ARID1A: variants seen among roughly 807,000 people sequenced by gnomAD.
The protein encoded by ARID1A is AT-rich interactive domain-containing protein 1A.
A neutral mutation model predicts 212.6 loss-of-function variants in ARID1A; 20 were observed. That is an observed-to-expected ratio of 0.09 (90% CI 0.07 to 0.14). The LOEUF is 0.14. ARID1A is among the 10% of genes least tolerant of loss of function. ARID1A has a pLI of 1.00. For missense variants in ARID1A, 2,587 were observed against 3,059.0 expected (o/e 0.85, Z 3.64); for synonymous variants, 1,376 against 1,222.1 (o/e 1.13, Z -2.63).
intron 1 of ARID1A, among the ~76,000 whole-genome samples, chr1:26,703,622 T>TA (rs2080359748): frequency 6.6e-6 from 1 of 152,248 alleles, no homozygotes; most frequent in South Asian, 2.1e-4. Flanking sequence ...AAACTTGGAT[T>TA]GGCACTGACA....
At position 26,773,651 on chromosome 1, in the gene ARID1A, A is replaced by G. The variant is rs143530554; in HGVS notation, c.3938A>G (p.Asn1313Ser). The change falls in exon 16 of 20, where the codon AAC becomes AGC. Residue 1313 changes from asparagine to serine, a missense_variant. By Grantham distance (46) the Asn-to-Ser change is conservative. This residue lies in a region of ARID1A where 890 missense variants were observed against 1,098.2 expected (regional missense o/e 0.81). Transcript: ENST00000324856. Reference protein sequence around the residue: ...GAPQPNLMPSNPDSGMYSPSR... With the variant: ...GAPQPNLMPSSPDSGMYSPSR... The stretch of plus-strand genomic sequence containing the variant: ...CCACAGCCGAATCTCATGCCTTCCA[A>G]CCCAGACTCGGGGATGTATTCTCCT... 68 of 1,613,914 alleles carry G rather than the reference A, an allele frequency of 4.2e-5. No individual in the cohort carries two copies. The highest frequency in any genetic ancestry group is 1.3e-5 in the Non-Finnish European group (15 of 1,180,026).
chr1:26,717,558 A>T (rs1270305571), intron 1 of ARID1A, among the ~76,000 whole-genome samples: 3 of 152,206 alleles, frequency 2.0e-5, no homozygotes, highest in Non-Finnish European at 4.4e-5. Flanking sequence ...TATGGGACAG[A>T]CATTAATTGT....
Position 26,696,038 on chromosome 1 carries a change from C to A in ARID1A, c.-366C>A. On this transcript the variant is annotated 5_prime_UTR_variant, in exon 1 of 20. Transcript: ENST00000324856. ...TCCTCCTTTCTCCGGCAGCAGAAAG[C>A]GGAGAGTCACAGCGGGGCCAGGCCC... 1 of 760,426 alleles carries A rather than the reference C, an allele frequency of 1.3e-6. No individual in the cohort carries two copies. Among genetic ancestry groups the A allele is most frequent in the Non-Finnish European group, 1.6e-6 (1 of 620,364 alleles). 47.1% of individuals were successfully genotyped at this position (760,426 alleles called of 1,614,324 possible).
At position 26,731,172 on chromosome 1, in the gene ARID1A, A is replaced by G. The variant is rs2080672563; in HGVS notation, c.1371A>G (p.Gln457=). The G allele has an allele frequency of 6.2e-7, 1 of 1,613,884 alleles. No individual in the cohort carries two copies. The highest frequency in any genetic ancestry group is 8.5e-7 in the Non-Finnish European group (1 of 1,179,870). ...YTQQIPPYGQ[Q]GPSGYGQQGQ... ...TACAGATTCCTCCTTATGGACAACA[A>G]GGCCCCAGCGGGTATGGTCAACAGG... Residue 457 remains glutamine, a synonymous_variant, in exon 3 of 20, where the codon CAA becomes CAG. Transcript: ENST00000324856.
At chr1:26,755,792 G>A (rs1478519219) in intron 4 of ARID1A, among the ~76,000 whole-genome samples, 1 of 151,304 alleles carries the variant, frequency 6.6e-6, no homozygotes, top group African/African-American at 2.4e-5. Flanking sequence ...TGCCCAGGCT[G>A]GAGTGCAGTG....
At chr1:26,726,107 A>C (rs1245299530) in intron 1 of ARID1A, among the ~76,000 whole-genome samples, 1 of 150,766 alleles carries the variant, frequency 6.6e-6, no homozygotes, top group African/African-American at 2.4e-5. Context: ...CACCTGCCTC[A>C]GTCTTCCAAA....
chr1:26,775,473 C>T (rs2081126372), intron 18 of ARID1A, 104 bp from the exon 19 acceptor site: 1 of 1,509,958 alleles, frequency 6.6e-7, no homozygotes, highest in Non-Finnish European at 8.9e-7. Flanking sequence ...AAACTGCCTT[C>T]CACCTTGTGT....
rs982240645 is a variant in ARID1A at position 26,765,889 on chromosome 1, G to A, written c.2733-332G>A. 7 of 205,464 alleles carry A rather than the reference G, an allele frequency of 3.4e-5. No homozygotes were observed. In the South Asian group the frequency reaches 1.1e-3, roughly 33 times the overall value. The allele number at this position is 205,464 out of a possible 1,614,324, so 12.7% of individuals were successfully genotyped here. A position where few individuals can be genotyped will look rare whatever the true frequency, so the allele number is the denominator to read the frequency against. ...CAAAAAAAAAAAAAAGAAAATCTGGGTGTTAGCTGGACATGGTGGTGCATG... is the reference window on the plus strand; with the variant it reads ...CAAAAAAAAAAAAAAGAAAATCTGGATGTTAGCTGGACATGGTGGTGCATG... On this transcript the variant is annotated intron_variant, in intron 8 of 19. Transcript: ENST00000324856.
At position 26,774,306 on chromosome 1, in the gene ARID1A, C is replaced by T. The variant is rs2081113168; in HGVS notation, c.4102-23C>T. 3 of 1,522,234 alleles carry T rather than the reference C, an allele frequency of 2.0e-6. No homozygotes were observed. The East Asian group carries it at 6.8e-5, about 35-fold the overall frequency. 94.3% of individuals were successfully genotyped at this position (1,522,234 alleles called of 1,614,324 possible). A position where few individuals can be genotyped will look rare whatever the true frequency, so the allele number is the denominator to read the frequency against. ...TCCCTGAGTGCAGAGTATTAACTTC[C>T]CCTCTGCTTGTCTCTGCCTTAGAAT... On this transcript the variant is annotated intron_variant, in intron 17 of 19. Transcript: ENST00000324856. This position sits in a 1 kb window ranked among gnomAD's most constrained non-coding sequence, Gnocchi z 5.6.
At position 26,717,142 on chromosome 1, in the gene ARID1A, C is replaced by T. The variant is rs1027487659; in HGVS notation, c.1138-12509C>T. 3.9e-5 allele frequency among the ~76,000 whole-genome samples: 6 copies of T among 152,214 alleles called. No homozygotes were observed. In the East Asian group the frequency reaches 1.2e-3, roughly 29 times the overall value. On this transcript the variant is annotated intron_variant, in intron 1 of 19. Coordinates refer to ENST00000324856, the MANE Select transcript of ARID1A (RefSeq NM_006015.6). ...TGGAAGGAGCTTTGAACAAAATCCT[C>T]TGGGAGAACAGACTGAAAGTAGGTG...
Position 26,696,880 on chromosome 1 carries a change from T to G in ARID1A, c.477T>G (p.Ser159=), listed in dbSNP as rs767901531. The change falls in exon 1 of 20, where the codon TCT becomes TCG. Residue 159 remains serine (S), a synonymous_variant. Coordinates refer to ENST00000324856, the MANE Select transcript of ARID1A (RefSeq NM_006015.6). ...GGCAACCCTACGGCCGGAGCCCGTCTGCCGTCGCCGCCGCCGCGGCCGCCG... is the reference window on the plus strand; with the variant it reads ...GGCAACCCTACGGCCGGAGCCCGTCGGCCGTCGCCGCCGCCGCGGCCGCCG... ...GFGQPYGRSP[S]AVAAAAAAVF... 7.4e-6 allele frequency: 10 copies of G among 1,358,384 alleles called. No homozygotes were observed. The highest frequency in any genetic ancestry group is 9.5e-6 in the Non-Finnish European group (10 of 1,056,810). The allele number at this position is 1,358,384 out of a possible 1,614,324, so 84.1% of individuals were successfully genotyped here.
chr1:26,732,105 A>AT (rs1293712233), intron 3 of ARID1A, among the ~76,000 whole-genome samples: 1 of 152,110 alleles, frequency 6.6e-6, no homozygotes, highest in Non-Finnish European at 1.5e-5. Context: ...GGCAAATCTT[A>AT]TTTTTTGTGG....
intron 4 of ARID1A, among the ~76,000 whole-genome samples, chr1:26,736,765 G>A (rs779406639): frequency 2.6e-5 from 4 of 151,864 alleles, no homozygotes; most frequent in Non-Finnish European, 5.9e-5. Flanking sequence ...AGCCAGGCGT[G>A]GTGGTGCATA....
At chr1:26,699,623 C>T (rs749267523) in intron 1 of ARID1A, among the ~76,000 whole-genome samples, 2 of 152,296 alleles carry the variant, frequency 1.3e-5, no homozygotes, top group African/African-American at 2.4e-5. Context: ...TTTCTAGTGT[C>T]TGGAGGAAAA....
Position 26,697,218 on chromosome 1 carries a change from G to A in ARID1A, c.815G>A (p.Gly272Glu). ...TCGTCCTTCGCTCAGCAGCGCTTCG[G>A]GGCCATGGGGGGAGGCGGCCCCTCC... The part of the protein sequence containing the change: ...SSSSFAQQRF[G>E]AMGGGGPSAA... The change falls in exon 1 of 20, where the codon GGG becomes GAG. Residue 272 changes from glycine (G) to glutamate (E), a missense_variant. Physicochemically the swap from Gly to Glu is moderately conservative, Grantham distance 98. Transcript: ENST00000324856. The A allele has an allele frequency of 7.2e-7, 1 of 1,383,096 alleles. No homozygotes were observed. The highest frequency in any genetic ancestry group is 3.0e-5 in the East Asian group (1 of 33,144). 85.7% of individuals were successfully genotyped at this position (1,383,096 alleles called of 1,614,324 possible).
chr1:26,771,065 G>A lies in ARID1A; in HGVS notation c.3199-54G>A, dbSNP rs2124096293. 3 of 1,547,220 alleles carry A rather than the reference G, an allele frequency of 1.9e-6. No homozygotes were observed. On this transcript the variant is annotated intron_variant, in intron 11 of 19. Transcript: ENST00000324856. The surrounding 1 kb of genome is among the most constrained non-coding windows in gnomAD (Gnocchi z 5.4). The stretch of plus-strand genomic sequence containing the variant: ...AGCCTGATGGGGCTTGGGGCTTATG[G>A]GCAGGAAAACCAGGCGGGAGATATA...
chr1:26,711,775 G>A (rs2080456931), intron 1 of ARID1A, among the ~76,000 whole-genome samples: 1 of 152,014 alleles, frequency 6.6e-6, no homozygotes, highest in Non-Finnish European at 1.5e-5. Context: ...TGATGAAGGT[G>A]GGAAAGGTAT....
At chr1:26,708,385 A>G (rs2080415797) in intron 1 of ARID1A, among the ~76,000 whole-genome samples, 1 of 133,302 alleles carries the variant, frequency 7.5e-6, no homozygotes. Flanking sequence ...CCTGGGTTCA[A>G]GTGATTCTTC....
intron 1 of ARID1A, chr1:26,727,765 A>G (rs1005548883): frequency 6.0e-4 from 91 of 152,230 alleles, no homozygotes; most frequent in African/African-American, 2.1e-3. Context: ...GAGCAGGCTG[A>G]TCTCTTTGTT....
Sources: allele counts gnomAD v4.1 joint callset (sites outside exome capture counted in the v4.1 genomes callset), GRCh38; gene constraint gnomAD v4.1.1; regional missense constraint gnomAD v4.1.1; non-coding constraint Gnocchi (gnomAD v3.1); transcripts MANE v1.5; gene names NCBI Gene and HGNC (gene_info 2026-07-23, HGNC 2026-07-21).